Variants in DNMT1 observed in about 807,000 individuals in gnomAD.
DNMT1 encodes DNA (cytosine-5)-methyltransferase 1.
In DNMT1, 24 loss-of-function variants were observed where a neutral mutation model predicts 205.3. That is an observed-to-expected ratio of 0.12 (90% CI 0.08 to 0.16). The LOEUF is 0.16. Ranked by LOEUF, DNMT1 falls within the 10% of genes least tolerant of loss-of-function variation. The pLI, the probability that DNMT1 is intolerant of heterozygous loss-of-function variation, is 1.00. For missense variants in DNMT1, 1,293 were observed against 2,177.7 expected (o/e 0.59, Z 8.09); for synonymous variants, 817 against 839.8 (o/e 0.97, Z 0.47).
At position 10,133,427 on chromosome 19, in the gene DNMT1, G is replaced by A; in HGVS notation, c.*240C>T. 2 of 578,704 alleles carry A rather than the reference G, an allele frequency of 3.5e-6. No homozygotes were observed. Among genetic ancestry groups the A allele is most frequent in the South Asian group, 2.2e-5 (1 of 46,024 alleles). 35.8% of individuals were successfully genotyped at this position (578,704 alleles called of 1,614,324 possible). On this transcript the variant is annotated 3_prime_UTR_variant, in exon 41 of 41. Coordinates refer to ENST00000359526, the MANE Select transcript of DNMT1 (RefSeq NM_001130823.3). This position sits in a 1 kb window ranked among gnomAD's most constrained non-coding sequence, Gnocchi z 4.1. ...AGTCTTAATTTCCACTCATACAGTG[G>A]TAGATTTGATATAATGCATAATAAA...
intron 6 of DNMT1, among the ~76,000 whole-genome samples, chr19:10,175,868 T>A (rs934202921): frequency 6.6e-6 from 1 of 152,084 alleles, no homozygotes; most frequent in African/African-American, 2.4e-5. Context: ...CACAGCACCA[T>A]CCATAAAGTC....
chr19:10,172,426 T>C (rs1435312034), intron 9 of DNMT1, among the ~76,000 whole-genome samples: 1 of 142,300 alleles, frequency 7.0e-6, no homozygotes, highest in Non-Finnish European at 1.5e-5. Flanking sequence ...AAAAAAAAAG[T>C]TTTAGCACCT....
chr19:10,173,774 G>A (rs938024166), intron 8 of DNMT1, 97 bp downstream of exon 8: 1 of 1,342,878 alleles, frequency 7.4e-7, no homozygotes, highest in Admixed American at 1.7e-5. Flanking sequence ...TTACAGGCAT[G>A]AGTCACCGTG....
chr19:10,185,902 T>A (rs1393465528), intron 1 of DNMT1, among the ~76,000 whole-genome samples: 1 of 148,928 alleles, frequency 6.7e-6, no homozygotes, highest in East Asian at 2.0e-4. Context: ...ACAAGGAACC[T>A]CTTCCAGGCA....
rs1283448599 is a variant in DNMT1 at position 10,137,235 on chromosome 19, C to T, written c.4339G>A (p.Ala1447Thr). Residue 1447 changes from alanine (A) to threonine (T), a missense_variant, in exon 37 of 41, where the codon GCC becomes ACC. By Grantham distance (58) the Ala-to-Thr change is moderately conservative. Coordinates refer to ENST00000359526, the MANE Select transcript of DNMT1 (RefSeq NM_001130823.3). This position sits in a 1 kb window ranked among gnomAD's most constrained non-coding sequence, Gnocchi z 6.4. ...AGATCGCGCCAGTCTGACCCTGGGG[C>T]CAAGGGGATGTGCCGCATGCGGGCA... Reference protein sequence around the residue: ...VAARMRHIPLAPGSDWRDLPN... With the variant: ...VAARMRHIPLTPGSDWRDLPN... 6.2e-7 allele frequency: 1 copy of T among 1,610,936 alleles called. No homozygotes were observed. Among genetic ancestry groups the T allele is most frequent in the South Asian group, 1.1e-5 (1 of 90,514 alleles).
Position 10,137,035 on chromosome 19 carries a change from C to T in DNMT1, c.4489+50G>A. 1.3e-6 allele frequency: 2 copies of T among 1,584,854 alleles called. No homozygotes were observed. The highest frequency in any genetic ancestry group is 1.7e-4 in the Middle Eastern group (1 of 6,030). On this transcript the variant is annotated intron_variant, in intron 37 of 40. Coordinates refer to ENST00000359526, the MANE Select transcript of DNMT1 (RefSeq NM_001130823.3). The surrounding 1 kb of genome is among the most constrained non-coding windows in gnomAD (Gnocchi z 6.4). ...GTTCACAGGCCAAAGGCCCAGGGCT[C>T]TGCCTTCCTTCCCCTCAGCCCACCG...
In DNMT1 at chr19:10,159,972, C is replaced by A; in HGVS notation, c.1089+46G>T. ...TGGCACTCAGAGAGCAGCTCCCAGC[C>A]GCCTCGTGAGCGCCGCCACCGGCTT... is the stretch of plus-strand genomic sequence containing the variant. On this transcript the variant is annotated intron_variant, in intron 15 of 40. Transcript: ENST00000359526. This position sits in a 1 kb window ranked among gnomAD's most constrained non-coding sequence, Gnocchi z 5.0. 6.2e-7 allele frequency: 1 copy of A among 1,614,082 alleles called. No individual in the cohort carries two copies. The highest frequency in any genetic ancestry group is 1.1e-5 in the South Asian group (1 of 91,072).
At chr19:10,164,292 C>T (rs911446415) in intron 11 of DNMT1, among the ~76,000 whole-genome samples, 6 of 152,056 alleles carry the variant, frequency 3.9e-5, no homozygotes, top group South Asian at 2.1e-4. Flanking sequence ...TACAGGCATT[C>T]GCCACCACAC....
intron 7 of DNMT1, among the ~76,000 whole-genome samples, chr19:10,174,662 G>A (rs913533981): frequency 3.8e-4 from 58 of 151,768 alleles, no homozygotes; most frequent in African/African-American, 1.4e-3. Flanking sequence ...AGCTGAGATC[G>A]TGCCACTGCA....
rs1255396898 is a variant in DNMT1 at position 10,140,181 on chromosome 19, C to T, written c.3671G>A (p.Gly1224Asp). 2.5e-6 allele frequency: 4 copies of T among 1,613,996 alleles called. No individual in the cohort carries two copies. The highest frequency in any genetic ancestry group is 2.2e-5 in the East Asian group (1 of 44,884). ...VMAGETTNSR[G>D]QRLPQKGDVE... ...GTCTCCCTTCTGGGGCAGCCGCTGGCCGCGGGAGTTGGTGGTCTCCCCAGC... is the reference window on the plus strand; with the variant it reads ...GTCTCCCTTCTGGGGCAGCCGCTGGTCGCGGGAGTTGGTGGTCTCCCCAGC... Residue 1224 changes from glycine (G) to aspartate (D), a missense_variant, in exon 33 of 41, where the codon GGC (glycine) becomes GAC (aspartate). Coordinates refer to ENST00000359526, the MANE Select transcript of DNMT1 (RefSeq NM_001130823.3). The surrounding 1 kb of genome is among the most constrained non-coding windows in gnomAD (Gnocchi z 8.4).
At chr19:10,148,528 AAAG>A (rs1238234475) in intron 27 of DNMT1, among the ~76,000 whole-genome samples, 27 of 152,082 alleles carry the variant, frequency 1.8e-4, no homozygotes, top group Non-Finnish European at 3.1e-4. Flanking sequence ...AAAGGAAAGA[AAAG>A]AATCAAATAA....
intron 8 of DNMT1, 85 bp from the exon 9 acceptor site, chr19:10,173,259 C>G: frequency 7.4e-7 from 1 of 1,348,520 alleles, no homozygotes; most frequent in Non-Finnish European, 1.1e-6. Flanking sequence ...CCTCTTTCCC[C>G]CAAAAGCAAT....
At chr19:10,165,040 T>C (rs551330456) in intron 11 of DNMT1, among the ~76,000 whole-genome samples, 145 of 146,390 alleles carry the variant, frequency 9.9e-4, no homozygotes, top group African/African-American at 3.6e-3. Flanking sequence ...GATAGGTGGA[T>C]AACTCGAGTC....
At position 10,133,740 on chromosome 19, in the gene DNMT1, C is replaced by T. The variant is rs1360884360; in HGVS notation, c.4865-39G>A. 6.4e-6 allele frequency: 10 copies of T among 1,566,036 alleles called. 1 individual carries two copies. The highest frequency in any genetic ancestry group is 4.1e-5 in the African/African-American group (3 of 73,616). On this transcript the variant is annotated intron_variant, in intron 40 of 40. Coordinates refer to ENST00000359526, the MANE Select transcript of DNMT1 (RefSeq NM_001130823.3). The surrounding 1 kb of genome is among the most constrained non-coding windows in gnomAD (Gnocchi z 4.1). ...AAAGGAAAAGTCACTCTGGGGAACACGCCCGGTGTCACGCCACTTGACAGG... is the reference window on the plus strand; with the variant it reads ...AAAGGAAAAGTCACTCTGGGGAACATGCCCGGTGTCACGCCACTTGACAGG...
rs978615578 is a variant in DNMT1, at chr19:10,140,451, G to C, written c.3524-123C>G. The C allele has an allele frequency of 7.2e-6, 10 of 1,395,432 alleles. No individual in the cohort carries two copies. Among genetic ancestry groups the C allele is most frequent in the Non-Finnish European group, 8.8e-6 (9 of 1,023,424 alleles). 86.4% of individuals were successfully genotyped at this position (1,395,432 alleles called of 1,614,324 possible). A position where few individuals can be genotyped will look rare whatever the true frequency, so the allele number is the denominator to read the frequency against. ...GTGGTGTGATCTTGGCTCACTGCAA[G>C]CTCTGCCTCCCAGGTTCAAGCGATT... is the stretch of plus-strand genomic sequence containing the variant. On this transcript the variant is annotated intron_variant, in intron 32 of 40. Transcript: ENST00000359526. The surrounding 1 kb of genome is among the most constrained non-coding windows in gnomAD (Gnocchi z 8.4).
At chr19:10,166,047 C>CA (rs1375576402) in intron 11 of DNMT1, among the ~76,000 whole-genome samples, 2 of 152,188 alleles carry the variant, frequency 1.3e-5, no homozygotes, top group Non-Finnish European at 2.9e-5. Context: ...CGCCGCCCCC[C>CA]ACCGATGACC....
At chr19:10,155,431 G>A (rs1253941745) in intron 19 of DNMT1, among the ~76,000 whole-genome samples, 2 of 152,000 alleles carry the variant, frequency 1.3e-5, no homozygotes, top group Non-Finnish European at 2.9e-5. Flanking sequence ...TCTGTCTGCT[G>A]GGTTCACGTG....
Position 10,182,137 on chromosome 19 carries a change from T to G in DNMT1, c.81-60A>C, listed in dbSNP as rs1400622473. On this transcript the variant is annotated intron_variant, in intron 1 of 40. Transcript: ENST00000359526. Reference sequence around the variant, plus strand: ...CTTGTTAAGCAACTTCATTTGCCTGTAAGAATATCACAGTTCTAAAGAAGT... The same window carrying G: ...CTTGTTAAGCAACTTCATTTGCCTGGAAGAATATCACAGTTCTAAAGAAGT... The G allele has an allele frequency of 2.6e-6, 4 of 1,532,414 alleles. No individual in the cohort carries two copies. The African/African-American group carries it at 4.1e-5, about 16-fold the overall frequency. 94.9% of individuals were successfully genotyped at this position (1,532,414 alleles called of 1,614,324 possible). A position where few individuals can be genotyped will look rare whatever the true frequency, so the allele number is the denominator to read the frequency against.
At chr19:10,175,043 A>G (rs1476858034) in intron 7 of DNMT1, among the ~76,000 whole-genome samples, 1 of 151,638 alleles carries the variant, frequency 6.6e-6, no homozygotes, top group Non-Finnish European at 1.5e-5. Context: ...CTCAAAAAAA[A>G]AAAAAAGTCT....
Sources: gnomAD v4.1 joint callset for allele counts (sites outside exome capture counted in the v4.1 genomes callset) on GRCh38, gnomAD v4.1.1 for gene constraint, Gnocchi (gnomAD v3.1) non-coding constraint, MANE v1.5 for transcripts, NCBI Gene and HGNC (gene_info 2026-07-23, HGNC 2026-07-21) for gene names.